The following KCTD16 variants were observed in gnomAD, a reference collection of about 807,000 sequenced individuals.
KCTD16 encodes the protein BTB/POZ domain-containing protein KCTD16.
Under a neutral mutation model 33.2 loss-of-function variants are expected in KCTD16, and 13 were observed. The ratio of observed to expected loss-of-function variants is 0.39; its 90% CI spans 0.25 to 0.62. KCTD16 has a LOEUF of 0.62. Ranked by LOEUF, KCTD16 falls within the 20% of genes least tolerant of loss-of-function variation. The pLI is 0.50. For missense variants in KCTD16, 441 were observed against 525.1 expected (o/e 0.84, Z 1.57); for synonymous variants, 197 against 195.3 (o/e 1.01, Z -0.07).
chr5:144,425,998 C>A (rs943747752), intron 3 of KCTD16, among the ~76,000 whole-genome samples: 2 of 152,092 alleles, frequency 1.3e-5, no homozygotes, highest in African/African-American at 4.8e-5. Context: ...CTTTACATGG[C>A]GAGATTAAAA....
chr5:144,443,334 C>T (rs1164697012), intron 3 of KCTD16, among the ~76,000 whole-genome samples: 1 of 152,030 alleles, frequency 6.6e-6, no homozygotes, highest in Non-Finnish European at 1.5e-5. Flanking sequence ...AAATGTTTCT[C>T]CATTTGGTGT....
At chr5:144,183,118 A>G (rs1206576186) in intron 2 of KCTD16, among the ~76,000 whole-genome samples, 1 of 152,106 alleles carries the variant, frequency 6.6e-6, no homozygotes, top group Admixed American at 6.5e-5. Context: ...CTAAATATAT[A>G]TTAGATCCTA....
intron 3 of KCTD16, among the ~76,000 whole-genome samples, chr5:144,356,472 G>A (rs983096892): frequency 6.6e-6 from 1 of 151,952 alleles, no homozygotes; most frequent in Non-Finnish European, 1.5e-5. Flanking sequence ...AAGAAGACAA[G>A]GGGGCAACCA....
At position 144,272,657 on chromosome 5, in the gene KCTD16, A is replaced by C. The variant is rs116639302; in HGVS notation, c.832+65111A>C. On this transcript the variant is annotated intron_variant, in intron 3 of 3. Transcript: ENST00000512467. ...AGAATATCAGAATGAAAATCTTCAG[A>C]TATCAGAAATAAACCCTTACATATA... Among the ~76,000 whole-genome samples, 227 of 152,316 alleles carry C rather than the reference A, an allele frequency of 1.5e-3. 1 individual carries two copies. Among genetic ancestry groups the C allele is most frequent in the African/African-American group, 5.1e-3 (213 of 41,582 alleles).
chr5:144,462,088 A>AT (rs1442842271), intron 3 of KCTD16, among the ~76,000 whole-genome samples: 1 of 152,056 alleles, frequency 6.6e-6, no homozygotes, highest in African/African-American at 2.4e-5. Flanking sequence ...CTACCCTGGC[A>AT]TTTTTTAATT....
chr5:144,204,216 A>AGG (rs1443343125), intron 2 of KCTD16, among the ~76,000 whole-genome samples: 1 of 152,224 alleles, frequency 6.6e-6, no homozygotes, highest in Non-Finnish European at 1.5e-5. Flanking sequence ...AAATGTATAT[A>AGG]ATTCCTAAGT....
rs777022966 is a variant in KCTD16, at chr5:144,459,618, G to A, written c.833-14042G>A. 6.4e-4 allele frequency among the ~76,000 whole-genome samples: 97 copies of A among 152,052 alleles called. 1 individual carries two copies. The highest frequency in any genetic ancestry group is 5.3e-4 in the African/African-American group (22 of 41,498). ...GCTCGCCTCAGCCTCCCAAAGTGCC[G>A]GGATTACAGTTGTGAGCCACTGTGC... On this transcript the variant is annotated intron_variant, in intron 3 of 3. Coordinates refer to ENST00000512467, the MANE Select transcript of KCTD16 (RefSeq NM_020768.4).
chr5:144,183,945 C>G (rs1465488781), intron 2 of KCTD16, among the ~76,000 whole-genome samples: 1 of 152,142 alleles, frequency 6.6e-6, no homozygotes, highest in Non-Finnish European at 1.5e-5. Flanking sequence ...ATTTCAACTC[C>G]TTGAACTACC....
At chr5:144,449,898 C>A (rs1048924606) in intron 3 of KCTD16, among the ~76,000 whole-genome samples, 4 of 151,860 alleles carry the variant, frequency 2.6e-5, no homozygotes, top group African/African-American at 4.8e-5. Flanking sequence ...GCAATGTTTT[C>A]TTGGATATGA....
Position 144,475,496 on chromosome 5 carries a change from A to T in KCTD16, c.*1382A>T, listed in dbSNP as rs1367931383. 6.5e-6 allele frequency: 1 copy of T among 152,680 alleles called. No individual in the cohort carries two copies. Among genetic ancestry groups the T allele is most frequent in the African/African-American group, 2.4e-5 (1 of 41,468 alleles). The allele number at this position is 152,680 out of a possible 1,614,324, so 9.5% of individuals were successfully genotyped here. A position where few individuals can be genotyped will look rare whatever the true frequency, so the allele number is the denominator to read the frequency against. On this transcript the variant is annotated 3_prime_UTR_variant, in exon 4 of 4. Coordinates refer to ENST00000512467, the MANE Select transcript of KCTD16 (RefSeq NM_020768.4). ...AGAAACTGTTAATAGCCATCCGTCC[A>T]TGTAACTCTGTATTTTACTAAGGTA...
At chr5:144,333,064 G>A (rs1190831215) in intron 3 of KCTD16, among the ~76,000 whole-genome samples, 8 of 152,124 alleles carry the variant, frequency 5.3e-5, no homozygotes. Flanking sequence ...GGGAATTATG[G>A]GAGCTACAAT....
intron 3 of KCTD16, among the ~76,000 whole-genome samples, chr5:144,328,513 AT>A (rs916014440): frequency 2.0e-4 from 30 of 146,536 alleles, no homozygotes; most frequent in African/African-American, 6.6e-4. Flanking sequence ...TTTTTTTTTT[AT>A]TTTTTTTATT....
intron 3 of KCTD16, among the ~76,000 whole-genome samples, chr5:144,279,151 A>C (rs918046059): frequency 6.6e-6 from 1 of 152,210 alleles, no homozygotes; most frequent in African/African-American, 2.4e-5. Context: ...TGAATCCATG[A>C]CCATGTTGAA....
intron 3 of KCTD16, among the ~76,000 whole-genome samples, chr5:144,274,392 A>G (rs937830883): frequency 2.0e-5 from 3 of 152,176 alleles, no homozygotes; most frequent in African/African-American, 7.2e-5. Flanking sequence ...GGGATAGATT[A>G]AAGAGGGTTG....
At chr5:144,284,501 C>A (rs1247309899) in intron 3 of KCTD16, among the ~76,000 whole-genome samples, 1 of 152,160 alleles carries the variant, frequency 6.6e-6, no homozygotes, top group Non-Finnish European at 1.5e-5. Flanking sequence ...TCTCTTGAAT[C>A]CAGAGGAGGA....
At chr5:144,349,661 AGT>A (rs1444253081) in intron 3 of KCTD16, among the ~76,000 whole-genome samples, 2 of 152,176 alleles carry the variant, frequency 1.3e-5, no homozygotes. Flanking sequence ...AGTCTGTGCT[AGT>A]CCCACTGTTT....
At chr5:144,250,271 G>A (rs1010186644) in intron 3 of KCTD16, among the ~76,000 whole-genome samples, 22 of 152,116 alleles carry the variant, frequency 1.4e-4, no homozygotes, top group Non-Finnish European at 2.2e-4. Flanking sequence ...GTTATTTCCA[G>A]CAGAGCTGCA....
At chr5:144,328,821 C>T (rs1387563218) in intron 3 of KCTD16, among the ~76,000 whole-genome samples, 1 of 151,620 alleles carries the variant, frequency 6.6e-6, no homozygotes, top group African/African-American at 2.4e-5. Context: ...CTCTCATTTT[C>T]CTGCATCTTA....
chr5:144,210,096 C>CTCTT (rs1753327645), intron 3 of KCTD16, among the ~76,000 whole-genome samples: 1 of 151,726 alleles, frequency 6.6e-6, no homozygotes, highest in Admixed American at 6.6e-5. Context: ...TCTTGTTTCC[C>CTCTT]TGTTTGCCTA....
Sources: gnomAD v4.1 joint callset for allele counts (sites outside exome capture counted in the v4.1 genomes callset) on GRCh38, gnomAD v4.1.1 for gene constraint, MANE v1.5 for transcripts, NCBI Gene and HGNC (gene_info 2026-07-23, HGNC 2026-07-21) for gene names.